Variants in PAX7 observed in about 807,000 individuals in gnomAD.
PAX7 encodes the protein paired box 7.
Under a neutral mutation model 50.7 loss-of-function variants are expected in PAX7, and 18 were observed. The ratio of observed to expected loss-of-function variants is 0.36; its 90% CI spans 0.25 to 0.53. PAX7 has a LOEUF of 0.53. Ranked by LOEUF, PAX7 falls within the 20% of genes least tolerant of loss-of-function variation. The pLI is 0.93. For missense variants in PAX7, 644 were observed against 702.9 expected, an observed-to-expected ratio of 0.92 and a Z score of 0.95; for synonymous variants, 310 against 290.4, an observed-to-expected ratio of 1.07 and a Z score of -0.69.
intron 4 of PAX7, among the ~76,000 whole-genome samples, chr1:18,646,924 A>G (rs1279301212): frequency 4.7e-5 from 6 of 128,382 alleles, no homozygotes; most frequent in Non-Finnish European, 9.5e-5. Flanking sequence ...CGCCCGGGCT[A>G]TTGACTTAGT....
chr1:18,722,092 C>A (rs1050689557), intron 7 of PAX7, among the ~76,000 whole-genome samples: 3 of 152,296 alleles, frequency 2.0e-5, no homozygotes, highest in African/African-American at 7.2e-5. Flanking sequence ...AATGGGTTAA[C>A]TCACTGAAAT....
At chr1:18,665,965 C>A (rs2088663047) in intron 4 of PAX7, among the ~76,000 whole-genome samples, 1 of 152,070 alleles carries the variant, frequency 6.6e-6, no homozygotes, top group Non-Finnish European at 1.5e-5. Context: ...AGCCACCATG[C>A]CCGGCTGGGG....
chr1:18,635,511 T>TAGGA (rs138334090), intron 3 of PAX7, among the ~76,000 whole-genome samples: 11 of 134,542 alleles, frequency 8.2e-5, no homozygotes, highest in African/African-American at 2.6e-4. Flanking sequence ...GGAAGGAAGG[T>TAGGA]AGGAAGGAAG....
At chr1:18,654,829 A>T (rs893868386) in intron 4 of PAX7, among the ~76,000 whole-genome samples, 2 of 152,208 alleles carry the variant, frequency 1.3e-5, no homozygotes, top group Non-Finnish European at 2.9e-5. Context: ...ACTGAGGCTC[A>T]GTGAGGTAAA....
chr1:18,688,815 G>A (rs2089014140), intron 4 of PAX7, among the ~76,000 whole-genome samples: 1 of 152,224 alleles, frequency 6.6e-6, no homozygotes, highest in Non-Finnish European at 1.5e-5. Flanking sequence ...TCGGGAGGGT[G>A]AGGCACGACA....
chr1:18,697,244 T>C (rs1203212651), intron 5 of PAX7, among the ~76,000 whole-genome samples: 1 of 152,154 alleles, frequency 6.6e-6, no homozygotes, highest in Non-Finnish European at 1.5e-5. Context: ...AAATGAAGAA[T>C]AAAACCCAGC....
At chr1:18,743,770 C>T (rs932348107) in intron 8 of PAX7, among the ~76,000 whole-genome samples, 1 of 152,226 alleles carries the variant, frequency 6.6e-6, no homozygotes, top group Non-Finnish European at 1.5e-5. Flanking sequence ...CCTGCACATA[C>T]ACAAATATAG....
At chr1:18,692,758 A>G (rs1017727293) in intron 5 of PAX7, among the ~76,000 whole-genome samples, 2 of 152,198 alleles carry the variant, frequency 1.3e-5, no homozygotes, top group African/African-American at 2.4e-5. Flanking sequence ...GGCAGGTTAG[A>G]TGCCTCAGGG....
rs919734389 is a variant in PAX7 at position 18,745,501 on chromosome 1, G to C, written c.*572G>C. On this transcript the variant is annotated 3_prime_UTR_variant, in exon 9 of 9. Coordinates refer to ENST00000420770, the MANE Select transcript of PAX7 (RefSeq NM_001135254.2). ...GGGGTCTTCCCAGGGGAGTCAGCAG[G>C]GGGGCAGTCTCACCCCCACCCAGGA... 4.3e-6 allele frequency: 1 copy of C among 231,940 alleles called. No homozygotes were observed. The highest frequency in any genetic ancestry group is 8.5e-6 in the Non-Finnish European group (1 of 117,526). The allele number at this position is 231,940 out of a possible 1,614,324, so 14.4% of individuals were successfully genotyped here. A position where few individuals can be genotyped will look rare whatever the true frequency, so the allele number is the denominator to read the frequency against.
intron 4 of PAX7, among the ~76,000 whole-genome samples, chr1:18,680,471 T>C (rs1405761028): frequency 6.6e-6 from 1 of 152,122 alleles, no homozygotes; most frequent in Non-Finnish European, 1.5e-5. Context: ...CCATCTAGTT[T>C]TCCTCACCTC....
In PAX7 at chr1:18,745,240, C is replaced by T. The variant is rs971070328; in HGVS notation, c.*311C>T. The T allele has an allele frequency of 1.5e-4, 62 of 412,840 alleles. No individual in the cohort carries two copies. The highest frequency in any genetic ancestry group is 8.4e-5 in the Non-Finnish European group (19 of 226,946). The allele number at this position is 412,840 out of a possible 1,614,324, so 25.6% of individuals were successfully genotyped here. The stretch of plus-strand genomic sequence containing the variant: ...TCTCAGGCATGGAGATTGGGGCCCA[C>T]CTTGAACACCTTGGGTGTCCAGAGG... On this transcript the variant is annotated 3_prime_UTR_variant, in exon 9 of 9. Transcript: ENST00000420770.
chr1:18,667,391 A>ATAGG (rs2088683442), intron 4 of PAX7, among the ~76,000 whole-genome samples: 1 of 113,388 alleles, frequency 8.8e-6, no homozygotes, highest in African/African-American at 3.4e-5. Flanking sequence ...AAGGAAGGAG[A>ATAGG]AAGGAAGGAA....
At chr1:18,737,476 T>C (rs1930820217) in intron 8 of PAX7, among the ~76,000 whole-genome samples, 1 of 152,292 alleles carries the variant, frequency 6.6e-6, no homozygotes, top group Admixed American at 6.5e-5. Flanking sequence ...CATATGTGTA[T>C]GTACACATGT....
intron 7 of PAX7, among the ~76,000 whole-genome samples, chr1:18,719,047 A>T (rs1448350094): frequency 6.6e-6 from 1 of 152,174 alleles, no homozygotes; most frequent in Non-Finnish European, 1.5e-5. Context: ...GAAAGAGTTA[A>T]CTGGCTGTCT....
At chr1:18,732,047 G>A (rs1247319887) in intron 7 of PAX7, among the ~76,000 whole-genome samples, 1 of 152,208 alleles carries the variant, frequency 6.6e-6, no homozygotes, top group Non-Finnish European at 1.5e-5. Context: ...CAGGGCCTTT[G>A]CACTTGCTGA....
Position 18,634,337 on chromosome 1 carries a change from G to A in PAX7, c.120G>A (p.Gln40=). 6.2e-7 allele frequency: 1 copy of A among 1,614,004 alleles called. No individual in the cohort carries two copies. Among genetic ancestry groups the A allele is most frequent in the Non-Finnish European group, 8.5e-7 (1 of 1,180,018 alleles). Residue 40 remains glutamine, a synonymous_variant, in exon 2 of 9, where the codon CAG becomes CAA. Coordinates refer to ENST00000420770, the MANE Select transcript of PAX7 (RefSeq NM_001135254.2). The surrounding 1 kb of genome is among the most constrained non-coding windows in gnomAD (Gnocchi z 4.0). ...STPLGQGRVN[Q]LGGVFINGRP... is the part of the protein sequence containing the mutation. ...CGCTTGGCCAAGGCCGGGTCAATCA[G>A]CTGGGAGGGGTCTTCATCAATGGGC...
chr1:18,647,458 A>G (rs533547123), intron 4 of PAX7, among the ~76,000 whole-genome samples: 136 of 118,478 alleles, frequency 1.1e-3, no homozygotes, highest in African/African-American at 4.2e-3. Flanking sequence ...GCTATAGTGG[A>G]TGCTGTAGAG....
intron 4 of PAX7, among the ~76,000 whole-genome samples, chr1:18,643,680 C>A (rs2088293911): frequency 6.6e-6 from 1 of 152,152 alleles, no homozygotes; most frequent in South Asian, 2.1e-4. Context: ...GCGGGCGAGC[C>A]GCGGCCGCCC....
At chr1:18,682,799 C>T (rs1467955941) in intron 4 of PAX7, among the ~76,000 whole-genome samples, 1 of 152,156 alleles carries the variant, frequency 6.6e-6, no homozygotes, top group African/African-American at 2.4e-5. Context: ...GGAGGTGCTG[C>T]CGGGCTGTGG....
Sources: allele counts gnomAD v4.1 joint callset (sites outside exome capture counted in the v4.1 genomes callset), GRCh38; gene constraint gnomAD v4.1.1; non-coding constraint Gnocchi (gnomAD v3.1); transcripts MANE v1.5; gene names NCBI Gene and HGNC (gene_info 2026-07-23, HGNC 2026-07-21).